C10orf67: variants seen among roughly 807,000 people sequenced by gnomAD.
The protein encoded by C10orf67 is chromosome 10 open reading frame 67, also known as uncharacterized protein C10orf67, mitochondrial.
In C10orf67, 60 loss-of-function variants were observed where a neutral mutation model predicts 35.6. That is an observed-to-expected ratio of 1.68 (90% CI 1.37 to 2.09). The LOEUF (loss-of-function observed/expected upper bound fraction) is 2.09. Ranked by LOEUF, C10orf67 falls within the 30% of genes most tolerant of loss-of-function variation. The pLI is 0.00. For missense variants in C10orf67, 474 were observed against 330.2 expected (o/e 1.44, Z -3.38); for synonymous variants, 167 against 115.8 (o/e 1.44, Z -2.84).
chr10:23,320,118 C>G (rs973277688), intron 4 of C10orf67, among the ~76,000 whole-genome samples: 1 of 152,188 alleles, frequency 6.6e-6, no homozygotes, highest in African/African-American at 2.4e-5. Context: ...AACGGAGATA[C>G]TTCACAAGCA....
At chr10:23,304,312 G>A (rs1844194013) in intron 4 of C10orf67, among the ~76,000 whole-genome samples, 1 of 152,194 alleles carries the variant, frequency 6.6e-6, no homozygotes, top group Admixed American at 6.5e-5. Flanking sequence ...CTTGCTGAAA[G>A]CTATGCCTTT....
At chr10:23,289,587 T>G (rs1843652433) in intron 7 of C10orf67, among the ~76,000 whole-genome samples, 1 of 152,248 alleles carries the variant, frequency 6.6e-6, no homozygotes, top group Non-Finnish European at 1.5e-5. Context: ...ACTGTTCATT[T>G]TTAATATAAC....
At chr10:23,219,311 C>G (rs1039695615) in intron 15 of C10orf67, among the ~76,000 whole-genome samples, 8 of 152,184 alleles carry the variant, frequency 5.3e-5, no homozygotes, top group African/African-American at 1.9e-4. Flanking sequence ...CTTAAAGAGT[C>G]ACTGTTACTT....
chr10:23,303,225 A>C, intron 5 of C10orf67, 79 bp downstream of exon 5: 1 of 428,232 alleles, frequency 2.3e-6, no homozygotes, highest in Non-Finnish European at 4.2e-6. Flanking sequence ...ATTTTAATTT[A>C]TCATTAACTC....
At chr10:23,259,108 G>A (rs1304600876) in intron 10 of C10orf67, among the ~76,000 whole-genome samples, 1 of 152,080 alleles carries the variant, frequency 6.6e-6, no homozygotes, top group African/African-American at 2.4e-5. Context: ...TTTATCAACA[G>A]CATCCAGGAA....
At chr10:23,321,038 T>C (rs759744842) in intron 3 of C10orf67, among the ~76,000 whole-genome samples, 3 of 152,228 alleles carry the variant, frequency 2.0e-5, no homozygotes, top group Admixed American at 6.5e-5. Flanking sequence ...ATAAAATATA[T>C]ACAGATAATT....
chr10:23,226,179 A>G (rs555247709), intron 13 of C10orf67, among the ~76,000 whole-genome samples: 1 of 152,354 alleles, frequency 6.6e-6, no homozygotes, highest in South Asian at 2.1e-4. Context: ...AATTCACCAC[A>G]TAGTGGGAAG....
chr10:23,344,032 C>A (rs929422163), intron 1 of C10orf67: 2 of 386,888 alleles, frequency 5.2e-6, no homozygotes, highest in Non-Finnish European at 1.1e-5. Flanking sequence ...CCCGCGGAGC[C>A]GCTCGCTCTC....
chr10:23,323,782 C>T (rs1030738723), intron 2 of C10orf67, among the ~76,000 whole-genome samples: 3 of 148,156 alleles, frequency 2.0e-5, no homozygotes, highest in East Asian at 3.9e-4. Context: ...TGTGGCAGTG[C>T]GCCCCTGTAA....
chr10:23,254,098 G>A (rs1164413746), intron 10 of C10orf67, among the ~76,000 whole-genome samples: 3 of 152,194 alleles, frequency 2.0e-5, no homozygotes, highest in Admixed American at 1.3e-4. Flanking sequence ...ATAATAGATT[G>A]ATGTGAAAAT....
intron 12 of C10orf67, among the ~76,000 whole-genome samples, chr10:23,243,683 T>C (rs1374916502): frequency 1.4e-5 from 2 of 144,778 alleles, no homozygotes; most frequent in Non-Finnish European, 3.0e-5. Flanking sequence ...GCAAAATCTC[T>C]GGCTCAAAAA....
At chr10:23,235,628 A>G (rs754302939) in intron 13 of C10orf67, among the ~76,000 whole-genome samples, 9 of 152,210 alleles carry the variant, frequency 5.9e-5, no homozygotes, top group Non-Finnish European at 1.0e-4. Flanking sequence ...CTGTACATTT[A>G]AAAATGGCTA....
chr10:23,330,826 G>T (rs1052119008), intron 2 of C10orf67, among the ~76,000 whole-genome samples: 2 of 152,092 alleles, frequency 1.3e-5, no homozygotes, highest in Non-Finnish European at 2.9e-5. Flanking sequence ...CAATCAATGG[G>T]TGAAATGATC....
intron 8 of C10orf67, 119 bp from the exon 9 acceptor site, chr10:23,267,373 A>C (rs1842911943): frequency 9.1e-6 from 5 of 548,170 alleles, no homozygotes; most frequent in Middle Eastern, 4.7e-4. Flanking sequence ...GTCTCCCAAA[A>C]CGATTATGGG....
chr10:23,225,740 C>T (rs1030037144), intron 13 of C10orf67, among the ~76,000 whole-genome samples: 2 of 152,118 alleles, frequency 1.3e-5, no homozygotes, highest in African/African-American at 4.8e-5. Context: ...ATAAAACAGA[C>T]TTTAAACCAA....
At chr10:23,315,988 T>A (rs1219994743) in intron 4 of C10orf67, among the ~76,000 whole-genome samples, 2 of 152,154 alleles carry the variant, frequency 1.3e-5, no homozygotes, top group Non-Finnish European at 2.9e-5. Context: ...TGTCACAGGA[T>A]CCTTGGGGTG....
intron 4 of C10orf67, among the ~76,000 whole-genome samples, chr10:23,313,713 C>T (rs184421523): frequency 1.1e-4 from 17 of 152,200 alleles, no homozygotes; most frequent in East Asian, 7.7e-4. Context: ...AAGCAGGCGA[C>T]GGCCCAGTAT....
chr10:23,325,898 A>G (rs922320000), intron 2 of C10orf67, among the ~76,000 whole-genome samples: 3 of 152,200 alleles, frequency 2.0e-5, no homozygotes, highest in Non-Finnish European at 2.9e-5. Context: ...AAATTGAAAA[A>G]TACAATATCC....
intron 8 of C10orf67, among the ~76,000 whole-genome samples, chr10:23,279,813 T>C (rs1037415616): frequency 3.3e-5 from 5 of 150,990 alleles, no homozygotes; most frequent in Admixed American, 1.3e-4. Context: ...ATAATAAATA[T>C]GTGTATAAGT....
Sources: allele counts gnomAD v4.1 joint callset (sites outside exome capture counted in the v4.1 genomes callset), GRCh38; gene constraint gnomAD v4.1.1; transcripts MANE v1.5; gene names NCBI Gene and HGNC (gene_info 2026-07-23, HGNC 2026-07-21).